NCAPG2: variants seen among roughly 807,000 people sequenced by gnomAD.
The protein encoded by NCAPG2 is condensin-2 complex subunit G2.
Under a neutral mutation model 141.1 loss-of-function variants are expected in NCAPG2, and 53 were observed. That is an observed-to-expected ratio of 0.38 (90% CI 0.30 to 0.47). NCAPG2 has a LOEUF of 0.47. NCAPG2 is among the 20% of genes least tolerant of loss of function. NCAPG2 has a pLI of 0.99. For synonymous variants in NCAPG2, 499 were observed against 490.7 expected, an observed-to-expected ratio of 1.02 and a Z score of -0.22; for missense variants, 1,087 against 1,389.0, an observed-to-expected ratio of 0.78 and a Z score of 3.46.
chr7:158,646,616 G>A, intron 24 of NCAPG2, 53 bp from the exon 25 acceptor site: 1 of 1,245,212 alleles, frequency 8.0e-7, no homozygotes, highest in Non-Finnish European at 1.1e-6. Flanking sequence ...CTACTTACTT[G>A]TAAATTACAT....
intron 26 of NCAPG2, among the ~76,000 whole-genome samples, chr7:158,645,189 G>A (rs555397650): frequency 6.6e-6 from 1 of 152,294 alleles, no homozygotes; most frequent in East Asian, 1.9e-4. Flanking sequence ...TTAAGATACA[G>A]GTAACACATC....
intron 11 of NCAPG2, among the ~76,000 whole-genome samples, chr7:158,678,096 C>G (rs1232146659): frequency 1.1e-5 from 1 of 87,654 alleles, no homozygotes; most frequent in African/African-American, 4.6e-5. Flanking sequence ...TGCACCTAGA[C>G]CCTTTTTTAT....
At chr7:158,701,181 A>G (rs148560724) in intron 2 of NCAPG2, among the ~76,000 whole-genome samples, 2 of 152,162 alleles carry the variant, frequency 1.3e-5, no homozygotes, top group Non-Finnish European at 2.9e-5. Context: ...AATCAGTCCA[A>G]TAGTGCCATC....
At chr7:158,700,620 T>A (rs774985088) in intron 2 of NCAPG2, among the ~76,000 whole-genome samples, 4 of 152,242 alleles carry the variant, frequency 2.6e-5, no homozygotes, top group Non-Finnish European at 4.4e-5. Context: ...GAGATGCCTA[T>A]GAGTTTGCGA....
chr7:158,679,846 G>A, intron 11 of NCAPG2, 114 bp downstream of exon 11: 2 of 1,358,522 alleles, frequency 1.5e-6, no homozygotes, highest in East Asian at 2.4e-5. Context: ...ACCATGCCAT[G>A]TGGGAGCAGA....
intron 11 of NCAPG2, among the ~76,000 whole-genome samples, chr7:158,677,788 T>A (rs373939148): frequency 2.0e-5 from 3 of 152,294 alleles, no homozygotes; most frequent in African/African-American, 7.2e-5. Flanking sequence ...TTCTGTCGCA[T>A]CCCTTCATTT....
chr7:158,702,796 CA>C (rs1388196567), intron 1 of NCAPG2, among the ~76,000 whole-genome samples: 5 of 152,022 alleles, frequency 3.3e-5, no homozygotes, highest in Non-Finnish European at 7.4e-5. Flanking sequence ...TTGAACAAAG[CA>C]AAAATAACCT....
At chr7:158,686,374 A>C in intron 7 of NCAPG2, 133 bp from the exon 8 acceptor site, 1 of 514,904 alleles carries the variant, frequency 1.9e-6, no homozygotes, top group Non-Finnish European at 3.4e-6. Context: ...AATCATCTAT[A>C]GAAATAGGTT....
At chr7:158,655,096 T>C (rs951535793) in intron 21 of NCAPG2, 22 bp downstream of exon 21, 4 of 1,570,524 alleles carry the variant, frequency 2.5e-6, no homozygotes, top group Non-Finnish European at 2.6e-6. Context: ...GAGAAAGTTT[T>C]CTGTGTCTTA....
chr7:158,672,286 GTGTGTGTATATATATATATATATATA>G (rs1191402276), intron 12 of NCAPG2, among the ~76,000 whole-genome samples: 9 of 25,868 alleles, frequency 3.5e-4, no homozygotes, highest in African/African-American at 6.2e-4. Flanking sequence ...ACATGTGTGT[GTGTGTGTATATATATATATATATATA>G]TATATATATA....
rs1829886354 is a variant in NCAPG2, at chr7:158,631,386, G to A, written c.*280C>T. On this transcript the variant is annotated 3_prime_UTR_variant, in exon 28 of 28. Coordinates refer to ENST00000356309, the MANE Select transcript of NCAPG2 (RefSeq NM_017760.7). Reference sequence around the variant, plus strand: ...TAAAAGTCATTTTAAAAACAACCAGGTTTGCTAGAAAAGTGTTTTTTCTTG... The same window carrying A: ...TAAAAGTCATTTTAAAAACAACCAGATTTGCTAGAAAAGTGTTTTTTCTTG... 2 of 410,390 alleles carry A rather than the reference G, an allele frequency of 4.9e-6. No individual in the cohort carries two copies. Among genetic ancestry groups the A allele is most frequent in the African/African-American group, 2.1e-5 (1 of 47,678 alleles). The allele number at this position is 410,390 out of a possible 1,614,324, so 25.4% of individuals were successfully genotyped here.
Position 158,675,530 on chromosome 7 carries a change from C to T in NCAPG2, c.1273G>A (p.Gly425Arg). 2 of 1,613,024 alleles carry T rather than the reference C, an allele frequency of 1.2e-6. No homozygotes were observed. Among genetic ancestry groups the T allele is most frequent in the South Asian group, 2.2e-5 (2 of 90,642 alleles). ...ILIDLLKKVT[G>R]ELAFDTSSAD... ...GAGCTCGTGTCAAATGCCAGTTCCC[C>T]AGTCACCTTCTTCAGGAGGTCAATA... Residue 425 changes from glycine to arginine, a missense_variant, in exon 12 of 28, where the codon GGG becomes AGG. Coordinates refer to ENST00000356309, the MANE Select transcript of NCAPG2 (RefSeq NM_017760.7).
intron 13 of NCAPG2, among the ~76,000 whole-genome samples, chr7:158,669,887 C>T (rs1833568221): frequency 2.0e-5 from 3 of 151,836 alleles, no homozygotes; most frequent in African/African-American, 7.3e-5. Flanking sequence ...GTGATCCTCC[C>T]ACCTCAGCTT....
chr7:158,656,186 A>G (rs1225191462), intron 19 of NCAPG2, 74 bp downstream of exon 19: 16 of 1,515,668 alleles, frequency 1.1e-5, no homozygotes, highest in Non-Finnish European at 1.3e-5. Flanking sequence ...CACTGTAAAT[A>G]TGAAAGCTTC....
chr7:158,659,389 T>G (rs975984742), intron 16 of NCAPG2, among the ~76,000 whole-genome samples: 6 of 149,534 alleles, frequency 4.0e-5, no homozygotes, highest in African/African-American at 1.5e-4. Flanking sequence ...GAACCAAATC[T>G]AGACCCAATC....
At chr7:158,680,854 A>T in intron 9 of NCAPG2, 38 bp from the exon 10 acceptor site, 1 of 1,403,734 alleles carries the variant, frequency 7.1e-7, no homozygotes, top group Non-Finnish European at 9.9e-7. Context: ...GCATTAACAA[A>T]AAAATAAATA....
chr7:158,693,033 C>A, intron 3 of NCAPG2, 77 bp from the exon 4 acceptor site: 1 of 1,069,028 alleles, frequency 9.4e-7, no homozygotes, highest in East Asian at 2.5e-5. Flanking sequence ...ATTTCAGTTA[C>A]AAATTTTCTA....
intron 27 of NCAPG2, among the ~76,000 whole-genome samples, chr7:158,642,061 A>C (rs1044307750): frequency 6.6e-6 from 1 of 152,236 alleles, no homozygotes. Context: ...CTCAGGCTAC[A>C]ATGGAATTAA....
rs115631698 is a variant in NCAPG2, at chr7:158,656,652, C to T, written c.2114G>A (p.Ser705Asn). The stretch of plus-strand genomic sequence containing the variant: ...GAGGCAATCCAACAAAGTGCAGTAG[C>T]TCTTGTCCACAGCGCCCTCCTCCCG... ...RSREEGAVDK[S>N]YCTLLDCLCS... is the part of the protein sequence containing the mutation. Residue 705 changes from serine to asparagine, a missense_variant, in exon 18 of 28, where the codon AGC becomes AAC. Coordinates refer to ENST00000356309, the MANE Select transcript of NCAPG2 (RefSeq NM_017760.7). The T allele has an allele frequency of 1.1e-3, 1,711 of 1,614,152 alleles. 10 individuals carry two copies. In the African/African-American group the frequency reaches 0.021, roughly 19 times the overall value.
Sources: gnomAD v4.1 joint callset for allele counts (sites outside exome capture counted in the v4.1 genomes callset) on GRCh38, gnomAD v4.1.1 for gene constraint, MANE v1.5 for transcripts, NCBI Gene and HGNC (gene_info 2026-07-23, HGNC 2026-07-21) for gene names.